The following EYA3 variants were observed in gnomAD, a reference collection of about 807,000 sequenced individuals.
EYA3 encodes the protein protein phosphatase EYA3.
EYA3 carries 39 observed loss-of-function variants against 80.0 expected under a neutral mutation model. That is an observed-to-expected ratio of 0.49 (90% CI 0.38 to 0.64). The LOEUF (loss-of-function observed/expected upper bound fraction) is 0.64, where lower values mean the gene tolerates loss of function less well. EYA3 is among the 30% of genes least tolerant of loss of function. EYA3 has a pLI of 0.00. For synonymous variants in EYA3, 206 were observed against 232.8 expected, an observed-to-expected ratio of 0.88 and a Z score of 1.05; for missense variants, 523 against 676.1, an observed-to-expected ratio of 0.77 and a Z score of 2.51.
chr1:28,059,348 A>G (rs1644538160), intron 1 of EYA3, among the ~76,000 whole-genome samples: 1 of 152,246 alleles, frequency 6.6e-6, no homozygotes, highest in Non-Finnish European at 1.5e-5. Context: ...ACTGTAGCTC[A>G]TACACAGAGC....
At chr1:28,030,295 ACTT>A (rs1312918383) in intron 6 of EYA3, among the ~76,000 whole-genome samples, 1 of 152,166 alleles carries the variant, frequency 6.6e-6, no homozygotes, top group Admixed American at 6.5e-5. Context: ...TATGATAATC[ACTT>A]CTTAATTTTT....
rs141283630 is a variant in EYA3 at position 28,040,683 on chromosome 1, C to T, written c.158-1778G>A. Among the ~76,000 whole-genome samples the T allele has an allele frequency of 1.6e-4, 25 of 152,126 alleles. No homozygotes were observed. The East Asian group carries it at 3.5e-3, about 21-fold the overall frequency. On this transcript the variant is annotated intron_variant, in intron 4 of 17. Coordinates refer to ENST00000373871, the MANE Select transcript of EYA3 (RefSeq NM_001990.4). ...ACATGAAAATAACTAATGGCCTTGA[C>T]GACAGCAGTTTCACTGGAAGAGTGA...
chr1:28,083,493 C>A (rs987341582), intron 1 of EYA3, among the ~76,000 whole-genome samples: 35 of 151,870 alleles, frequency 2.3e-4, no homozygotes, highest in African/African-American at 8.5e-4. Context: ...GCACTCTAGC[C>A]TGGGCGACAG....
chr1:28,033,035 C>A (rs1222464001), intron 6 of EYA3, among the ~76,000 whole-genome samples: 1 of 152,146 alleles, frequency 6.6e-6, no homozygotes, highest in Non-Finnish European at 1.5e-5. Context: ...CAATACTATA[C>A]AGCGTGAAAT....
At chr1:27,997,204 G>T in intron 13 of EYA3, 116 bp downstream of exon 13, 1 of 913,282 alleles carries the variant, frequency 1.1e-6, no homozygotes. Flanking sequence ...TCCTCTAACA[G>T]GTTGTGAGCT....
intron 2 of EYA3, 66 bp from the exon 3 acceptor site, chr1:28,048,492 A>G: frequency 8.1e-7 from 1 of 1,231,584 alleles, no homozygotes; most frequent in East Asian, 2.3e-5. Context: ...TTAGCTACTC[A>G]AACAACAGGC....
At chr1:27,994,017 T>A (rs1027160445) in intron 13 of EYA3, among the ~76,000 whole-genome samples, 2 of 152,256 alleles carry the variant, frequency 1.3e-5, no homozygotes, top group Non-Finnish European at 2.9e-5. Context: ...CCTTAAGTGA[T>A]CTGCTGGCTG....
intron 13 of EYA3, among the ~76,000 whole-genome samples, chr1:27,995,413 C>T (rs1445089510): frequency 8.4e-6 from 1 of 119,062 alleles, no homozygotes; most frequent in Non-Finnish European, 1.7e-5. Context: ...GAGACCCTAT[C>T]TTAAAAGGAA....
chr1:28,044,330 G>A (rs1196713436), intron 3 of EYA3, among the ~76,000 whole-genome samples: 2 of 152,092 alleles, frequency 1.3e-5, no homozygotes, highest in Non-Finnish European at 1.5e-5. Flanking sequence ...TCTGTTCCCC[G>A]CTTTCTACAT....
At chr1:28,065,447 AT>A (rs1212194877) in intron 1 of EYA3, among the ~76,000 whole-genome samples, 2 of 151,628 alleles carry the variant, frequency 1.3e-5, no homozygotes, top group African/African-American at 2.4e-5. Flanking sequence ...TAATTTTTGT[AT>A]TTTTAGTAGA....
rs1180868021 is a variant in EYA3, at chr1:28,073,127, A to AT, written c.-68-15034dup. On this transcript the variant is annotated intron_variant, in intron 1 of 17. Transcript: ENST00000373871. The stretch of plus-strand genomic sequence containing the variant: ...ATTATATATATATATATATATATAT[A>AT]TTTTTTTTTTTTTTTTTTTTTTTTA... Among the ~76,000 whole-genome samples, 136 of 14,996 alleles carry AT rather than the reference A, an allele frequency of 9.1e-3. 18 individuals are homozygous for AT. Among genetic ancestry groups the AT allele is most frequent in the African/African-American group, 0.02 (62 of 3,172 alleles). 9.8% of individuals were successfully genotyped at this position (14,996 alleles called of 152,430 possible). A position where few individuals can be genotyped will look rare whatever the true frequency, so the allele number is the denominator to read the frequency against.
chr1:28,025,318 G>A (rs748165416), intron 7 of EYA3, among the ~76,000 whole-genome samples: 14 of 152,154 alleles, frequency 9.2e-5, no homozygotes, highest in Non-Finnish European at 1.6e-4. Flanking sequence ...CACAAAAAGG[G>A]AGGAGAAGTG....
chr1:28,064,730 C>T (rs368720203), intron 1 of EYA3, among the ~76,000 whole-genome samples: 3 of 152,094 alleles, frequency 2.0e-5, no homozygotes, highest in African/African-American at 7.2e-5. Context: ...TCAAGCAATC[C>T]TCCCACCTCA....
chr1:28,083,550 A>G (rs1178914838), intron 1 of EYA3, among the ~76,000 whole-genome samples: 1 of 152,130 alleles, frequency 6.6e-6, no homozygotes, highest in African/African-American at 2.4e-5. Context: ...CCCTTATTTC[A>G]TAGGGTTGTA....
intron 14 of EYA3, among the ~76,000 whole-genome samples, chr1:27,991,443 C>A (rs537509353): frequency 6.6e-6 from 1 of 152,054 alleles, no homozygotes; most frequent in Non-Finnish European, 1.5e-5. Flanking sequence ...CAAAAGAGAG[C>A]TCATATGATG....
rs117830722 is a variant in EYA3, at chr1:28,064,646, G to T, written c.-68-6552C>A. Among the ~76,000 whole-genome samples the T allele has an allele frequency of 1.5e-3, 227 of 152,046 alleles. 4 individuals carry two copies. In the East Asian group the frequency reaches 0.028, roughly 19 times the overall value. On this transcript the variant is annotated intron_variant, in intron 1 of 17. Transcript: ENST00000373871. ...GCATATATAATACACAAAGTTTTTAGTTTTTATTTTTTTTATTTTTTTAAG... is the reference window on the plus strand; with the variant it reads ...GCATATATAATACACAAAGTTTTTATTTTTTATTTTTTTTATTTTTTTAAG...
intron 16 of EYA3, among the ~76,000 whole-genome samples, chr1:27,982,785 C>G (rs1263947803): frequency 2.0e-5 from 3 of 151,678 alleles, no homozygotes; most frequent in Non-Finnish European, 4.4e-5. Context: ...GGGGTTTCAC[C>G]ATGTTGGCCA....
At chr1:28,059,930 C>T (rs545609696) in intron 1 of EYA3, among the ~76,000 whole-genome samples, 1 of 151,910 alleles carries the variant, frequency 6.6e-6, no homozygotes, top group Admixed American at 6.6e-5. Flanking sequence ...TGTTGGCCAG[C>T]CTGGTCTTGA....
intron 1 of EYA3, among the ~76,000 whole-genome samples, chr1:28,085,740 C>T (rs1477798794): frequency 6.6e-6 from 1 of 151,902 alleles, no homozygotes; most frequent in Non-Finnish European, 1.5e-5. Flanking sequence ...TAAAAACAAA[C>T]ACACATTAAG....
Sources: gnomAD v4.1 joint callset for allele counts (sites outside exome capture counted in the v4.1 genomes callset) on GRCh38, gnomAD v4.1.1 for gene constraint, MANE v1.5 for transcripts, NCBI Gene and HGNC (gene_info 2026-07-23, HGNC 2026-07-21) for gene names.